Variants in TAFA2 observed in about 807,000 individuals in gnomAD.
The protein encoded by TAFA2 is chemokine-like protein TAFA-2.
Under a neutral mutation model 18.8 loss-of-function variants are expected in TAFA2, and 7 were observed. The ratio of observed to expected loss-of-function variants is 0.37; its 90% CI spans 0.21 to 0.70. The LOEUF (loss-of-function observed/expected upper bound fraction) is 0.70, where lower values mean the gene tolerates loss of function less well. TAFA2 is among the 30% of genes least tolerant of loss of function. The probability of loss-of-function intolerance (pLI) is 0.53; values close to 1 mark genes in which losing one functional copy is unlikely to be tolerated. For missense variants in TAFA2, 122 were observed against 158.1 expected (o/e 0.77, Z 1.23); for synonymous variants, 60 against 54.2 (o/e 1.11, Z -0.47).
intron 1 of TAFA2, among the ~76,000 whole-genome samples, chr12:62,128,306 T>C (rs1042249303): frequency 2.2e-4 from 34 of 152,070 alleles, no homozygotes; most frequent in African/African-American, 7.7e-4. Flanking sequence ...ATGCTTGTTA[T>C]TGTTAACTGT....
chr12:61,798,277 T>TG (rs1429147720), intron 2 of TAFA2, among the ~76,000 whole-genome samples: 3 of 152,186 alleles, frequency 2.0e-5, no homozygotes, highest in Admixed American at 2.0e-4. Context: ...GGTCTTTTTT[T>TG]TGTGTGTATG....
At chr12:61,927,069 GAAAAAAAAAAAAA>G (rs56908081) in intron 1 of TAFA2, among the ~76,000 whole-genome samples, 1 of 69,904 alleles carries the variant, frequency 1.4e-5, no homozygotes, top group Admixed American at 2.0e-4. Context: ...GTGAGACTCT[GAAAAAAAAAAAAA>G]AAAAAAAAAA....
chr12:62,153,816 C>G (rs1482521377), intron 1 of TAFA2, among the ~76,000 whole-genome samples: 1 of 152,152 alleles, frequency 6.6e-6, no homozygotes, highest in Non-Finnish European at 1.5e-5. Flanking sequence ...ATCACTGAAA[C>G]TCTAGATATA....
At chr12:61,716,752 AT>A (rs1335060550) in intron 4 of TAFA2, among the ~76,000 whole-genome samples, 1 of 152,180 alleles carries the variant, frequency 6.6e-6, no homozygotes, top group Non-Finnish European at 1.5e-5. Context: ...TAAAATATCC[AT>A]GTTATTAGAT....
chr12:61,891,047 T>C (rs1007629363), intron 1 of TAFA2, among the ~76,000 whole-genome samples: 15 of 152,248 alleles, frequency 9.9e-5, no homozygotes, highest in Admixed American at 9.8e-4. Context: ...TACTGTGTTC[T>C]ATTTCTGGAG....
intron 1 of TAFA2, among the ~76,000 whole-genome samples, chr12:62,250,723 G>A (rs2062909242): frequency 6.6e-6 from 1 of 151,982 alleles, no homozygotes; most frequent in Non-Finnish European, 1.5e-5. Flanking sequence ...TATCTTTCTG[G>A]CAAAGCAGTA....
Position 62,081,356 on chromosome 12 carries a change from A to T in TAFA2, c.-2+109903T>A, listed in dbSNP as rs1868320101. The stretch of plus-strand genomic sequence containing the variant: ...AGGTAAAACATGAATTACTTTCTTC[A>T]TTTCACAAGTGGAAAAAACCCTGAG... On this transcript the variant is annotated intron_variant, in intron 1 of 4. Coordinates refer to ENST00000416284, the MANE Select transcript of TAFA2 (RefSeq NM_178539.5). 2.0e-5 allele frequency among the ~76,000 whole-genome samples: 3 copies of T among 151,090 alleles called. No individual in the cohort carries two copies. The South Asian group carries it at 6.3e-4, about 32-fold the overall frequency.
At chr12:62,150,212 G>A (rs1401220505) in intron 1 of TAFA2, among the ~76,000 whole-genome samples, 1 of 152,130 alleles carries the variant, frequency 6.6e-6, no homozygotes, top group Admixed American at 6.5e-5. Flanking sequence ...ATTAAAACAA[G>A]ATGCTTTCCC....
At chr12:62,006,404 A>G (rs1025853923) in intron 1 of TAFA2, among the ~76,000 whole-genome samples, 10 of 152,198 alleles carry the variant, frequency 6.6e-5, no homozygotes, top group African/African-American at 2.4e-4. Flanking sequence ...GTATCTAAAG[A>G]TCCGAAATAG....
At chr12:61,952,599 T>C (rs1397458825) in intron 1 of TAFA2, among the ~76,000 whole-genome samples, 1 of 152,112 alleles carries the variant, frequency 6.6e-6, no homozygotes, top group Non-Finnish European at 1.5e-5. Flanking sequence ...AACACAGTAC[T>C]TGCACTCTAC....
At chr12:61,816,555 G>A (rs1872094712) in intron 2 of TAFA2, among the ~76,000 whole-genome samples, 1 of 151,260 alleles carries the variant, frequency 6.6e-6, no homozygotes, top group Admixed American at 6.6e-5. Flanking sequence ...GAATTGCTGG[G>A]TCAAATGGTA....
At chr12:61,869,699 C>G (rs1341076778) in intron 1 of TAFA2, among the ~76,000 whole-genome samples, 1 of 152,174 alleles carries the variant, frequency 6.6e-6, no homozygotes, top group African/African-American at 2.4e-5. Context: ...TAACAATAAC[C>G]TGGTTTGGAA....
At chr12:61,923,288 T>A (rs1181656116) in intron 1 of TAFA2, among the ~76,000 whole-genome samples, 1 of 152,202 alleles carries the variant, frequency 6.6e-6, no homozygotes, top group East Asian at 1.9e-4. Flanking sequence ...CCATACTTCC[T>A]GACTGGGAGA....
chr12:61,971,683 A>G (rs895174311), intron 1 of TAFA2, among the ~76,000 whole-genome samples: 1 of 151,586 alleles, frequency 6.6e-6, no homozygotes, highest in African/African-American at 2.4e-5. Flanking sequence ...ATGAGAACAC[A>G]TGGACACTGG....
chr12:61,745,921 G>A (rs1305252477), intron 4 of TAFA2, among the ~76,000 whole-genome samples: 2 of 152,084 alleles, frequency 1.3e-5, no homozygotes, highest in Non-Finnish European at 2.9e-5. Context: ...AAGTCAAAGA[G>A]CTTCAGAGCA....
intron 2 of TAFA2, among the ~76,000 whole-genome samples, chr12:61,797,570 A>T (rs1047131612): frequency 2.6e-5 from 4 of 152,152 alleles, no homozygotes; most frequent in African/African-American, 9.7e-5. Flanking sequence ...AAAAAATATA[A>T]AACCACAGAT....
chr12:61,816,001 G>T (rs1382200491), intron 2 of TAFA2, among the ~76,000 whole-genome samples: 2 of 150,948 alleles, frequency 1.3e-5, no homozygotes, highest in Non-Finnish European at 1.5e-5. Flanking sequence ...GATGGTGTGG[G>T]TCTCAGAGCT....
At chr12:62,179,143 G>T (rs1202409064) in intron 1 of TAFA2, among the ~76,000 whole-genome samples, 1 of 152,122 alleles carries the variant, frequency 6.6e-6, no homozygotes, top group East Asian at 1.9e-4. Flanking sequence ...TTATGGAAAT[G>T]AAAGAGAAAA....
chr12:62,120,333 T>C (rs1321882851), intron 1 of TAFA2, among the ~76,000 whole-genome samples: 1 of 152,180 alleles, frequency 6.6e-6, no homozygotes, highest in Non-Finnish European at 1.5e-5. Flanking sequence ...ATTTCAATGG[T>C]CTCATTAAAT....
Sources: gnomAD v4.1 joint callset for allele counts (sites outside exome capture counted in the v4.1 genomes callset) on GRCh38, gnomAD v4.1.1 for gene constraint, MANE v1.5 for transcripts, NCBI Gene and HGNC (gene_info 2026-07-23, HGNC 2026-07-21) for gene names.